The following KDM4C variants were observed in gnomAD, a reference collection of about 807,000 sequenced individuals.
The protein encoded by KDM4C is lysine demethylase 4C.
Under a neutral mutation model 129.3 loss-of-function variants are expected in KDM4C, and 81 were observed. The observed-to-expected ratio is 0.63, with a 90% CI of 0.52 to 0.75. The LOEUF is 0.75. Among genes scored for constraint, KDM4C ranks in the 30% least tolerant of loss-of-function variants. KDM4C has a pLI of 0.00. For synonymous variants in KDM4C, 573 were observed against 456.1 expected (o/e 1.26, Z -3.26); for missense variants, 1,457 against 1,304.0 (o/e 1.12, Z -1.81).
intron 8 of KDM4C, among the ~76,000 whole-genome samples, chr9:6,953,014 C>T (rs71505836): frequency 0.039 from 5,932 of 152,194 alleles, 165 homozygotes; most frequent in Middle Eastern, 0.11. Context: ...TTTAAGGCAG[C>T]AGAATGAATA....
intron 8 of KDM4C, among the ~76,000 whole-genome samples, chr9:6,964,787 A>G (rs1394764012): frequency 6.6e-6 from 1 of 150,434 alleles, no homozygotes; most frequent in Admixed American, 6.6e-5. Flanking sequence ...GTCTCAAAAA[A>G]AAAAAAAAAA....
intron 5 of KDM4C, among the ~76,000 whole-genome samples, chr9:6,862,376 C>G (rs1841096023): frequency 6.6e-6 from 1 of 152,058 alleles, no homozygotes; most frequent in Non-Finnish European, 1.5e-5. Context: ...ATATTTCAGG[C>G]TTTGTGTATT....
chr9:6,912,058 G>T (rs958894075), intron 8 of KDM4C, among the ~76,000 whole-genome samples: 1 of 152,210 alleles, frequency 6.6e-6, no homozygotes, highest in African/African-American at 2.4e-5. Flanking sequence ...CAGGAGGTTG[G>T]CACAGAACGG....
chr9:6,768,871 C>G (rs1821177315), intron 1 of KDM4C, among the ~76,000 whole-genome samples: 1 of 152,062 alleles, frequency 6.6e-6, no homozygotes, highest in Non-Finnish European at 1.5e-5. Flanking sequence ...CTCCCGGGTT[C>G]AAGTGATTCT....
intron 17 of KDM4C, among the ~76,000 whole-genome samples, chr9:7,087,224 C>T (rs532427487): frequency 6.6e-6 from 1 of 151,218 alleles, no homozygotes; most frequent in African/African-American, 2.4e-5. Context: ...CAGAAAGAGA[C>T]ATTACTGCAA....
intron 5 of KDM4C, among the ~76,000 whole-genome samples, chr9:6,879,711 G>C (rs1405200193): frequency 6.6e-6 from 1 of 152,198 alleles, no homozygotes; most frequent in Non-Finnish European, 1.5e-5. Flanking sequence ...TCTCTAGGCT[G>C]TGACTAGCTG....
intron 4 of KDM4C, among the ~76,000 whole-genome samples, chr9:6,840,301 G>A (rs1170074098): frequency 1.3e-5 from 2 of 152,014 alleles, no homozygotes; most frequent in African/African-American, 2.4e-5. Flanking sequence ...TTGAACTCCT[G>A]GGCTCAAGCT....
chr9:6,802,764 G>A (rs147306669), intron 2 of KDM4C, among the ~76,000 whole-genome samples: 2,318 of 152,196 alleles, frequency 0.015, 66 homozygotes, highest in African/African-American at 0.052. Flanking sequence ...TGACCACCAC[G>A]TTTGGCTAAT....
intron 8 of KDM4C, among the ~76,000 whole-genome samples, chr9:6,956,071 A>G (rs1829009378): frequency 6.6e-6 from 1 of 152,054 alleles, no homozygotes; most frequent in Admixed American, 6.5e-5. Flanking sequence ...ACTCATGGAC[A>G]TGGTAGAAGG....
chr9:6,993,637 A>G (rs971583959), intron 12 of KDM4C, among the ~76,000 whole-genome samples: 63 of 152,262 alleles, frequency 4.1e-4, no homozygotes, highest in African/African-American at 1.4e-3. Context: ...TGGGTGAACT[A>G]TGCATGCTCT....
chr9:6,982,472 G>A (rs1354226129), intron 9 of KDM4C: 3 of 152,104 alleles, frequency 2.0e-5, no homozygotes, highest in Non-Finnish European at 4.4e-5. Context: ...CTGTGGTAAG[G>A]GCAAATATTC....
At chr9:6,885,318 C>T (rs1176844487) in intron 6 of KDM4C, among the ~76,000 whole-genome samples, 1 of 152,194 alleles carries the variant, frequency 6.6e-6, no homozygotes, top group Non-Finnish European at 1.5e-5. Flanking sequence ...ATGCTTTTCA[C>T]ACATGCTCAC....
chr9:7,148,183 C>T (rs531484325), intron 19 of KDM4C, among the ~76,000 whole-genome samples: 8 of 152,322 alleles, frequency 5.3e-5, no homozygotes, highest in South Asian at 2.1e-4. Flanking sequence ...AACATGGTGG[C>T]GCCCAAAAGC....
At chr9:6,927,627 G>A (rs1363263884) in intron 8 of KDM4C, among the ~76,000 whole-genome samples, 1 of 152,046 alleles carries the variant, frequency 6.6e-6, no homozygotes, top group African/African-American at 2.4e-5. Flanking sequence ...AGGCTTCCAG[G>A]GACCACACGA....
At chr9:7,132,400 A>AAC (rs1383241346) in intron 19 of KDM4C, among the ~76,000 whole-genome samples, 1 of 152,206 alleles carries the variant, frequency 6.6e-6, no homozygotes, top group Non-Finnish European at 1.5e-5. Context: ...AGTAAGGAGA[A>AAC]ACGCTCTTTG....
At chr9:6,893,577 G>C (rs527756766) in intron 8 of KDM4C, 1 of 164,856 alleles carries the variant, frequency 6.1e-6, no homozygotes, top group South Asian at 1.8e-4. Flanking sequence ...ATCTCTCCCT[G>C]TTTGCGATCA....
chr9:7,147,869 CTG>C (rs1276071547), intron 19 of KDM4C, among the ~76,000 whole-genome samples: 1 of 152,230 alleles, frequency 6.6e-6, no homozygotes, highest in African/African-American at 2.4e-5. Flanking sequence ...CTGGAAACCT[CTG>C]TGGCTGGTGG....
At chr9:6,951,639 T>C (rs10975931) in intron 8 of KDM4C, among the ~76,000 whole-genome samples, 9,527 of 152,262 alleles carry the variant, frequency 0.063, 859 homozygotes, top group African/African-American at 0.2. Flanking sequence ...CAGATAATTA[T>C]AACAGGACAA....
At chr9:7,146,243 T>C (rs1842204189) in intron 19 of KDM4C, among the ~76,000 whole-genome samples, 1 of 152,272 alleles carries the variant, frequency 6.6e-6, no homozygotes, top group South Asian at 2.1e-4. Flanking sequence ...TTACTGATTA[T>C]CTTTGGAGAG....
Sources: gnomAD v4.1 joint callset for allele counts (sites outside exome capture counted in the v4.1 genomes callset) on GRCh38, gnomAD v4.1.1 for gene constraint, MANE v1.5 for transcripts, NCBI Gene and HGNC (gene_info 2026-07-23, HGNC 2026-07-21) for gene names.